DPP10: variants seen among roughly 807,000 people sequenced by gnomAD.
DPP10 encodes inactive dipeptidyl peptidase 10.
DPP10 carries 33 observed loss-of-function variants against 120.9 expected under a neutral mutation model. The ratio of observed to expected loss-of-function variants is 0.27; its 90% confidence interval spans 0.21 to 0.37. The LOEUF (loss-of-function observed/expected upper bound fraction) is 0.37, where lower values mean the gene tolerates loss of function less well. DPP10 is among the 10% of genes least tolerant of loss of function. The pLI, the probability that DPP10 is intolerant of heterozygous loss-of-function variation, is 1.00. For synonymous variants in DPP10, 337 were observed against 326.1 expected, an observed-to-expected ratio of 1.03 and a Z score of -0.36; for missense variants, 816 against 942.8, an observed-to-expected ratio of 0.87 and a Z score of 1.76.
intron 1 of DPP10, among the ~76,000 whole-genome samples, chr2:114,748,559 C>A (rs1446501712): frequency 2.2e-5 from 2 of 89,564 alleles, no homozygotes; most frequent in African/African-American, 9.0e-5. Flanking sequence ...CCCCCTCCCC[C>A]GACCCCACCA....
intron 1 of DPP10, among the ~76,000 whole-genome samples, chr2:114,889,295 A>T (rs548658554): frequency 6.6e-6 from 1 of 152,308 alleles, no homozygotes; most frequent in South Asian, 2.1e-4. Flanking sequence ...GATGTAGGAA[A>T]ATCTCTTTTA....
intron 3 of DPP10, among the ~76,000 whole-genome samples, chr2:115,414,603 C>T (rs1334999576): frequency 6.6e-6 from 1 of 152,160 alleles, no homozygotes; most frequent in East Asian, 1.9e-4. Context: ...AAATAGCACT[C>T]ATTTTTGAAA....
chr2:114,864,609 A>G (rs773041312), intron 1 of DPP10, among the ~76,000 whole-genome samples: 1 of 152,176 alleles, frequency 6.6e-6, no homozygotes, highest in Non-Finnish European at 1.5e-5. Flanking sequence ...AAGAGTCAGG[A>G]AGCATAAAGC....
intron 1 of DPP10, among the ~76,000 whole-genome samples, chr2:115,104,238 T>C (rs944611448): frequency 6.9e-5 from 10 of 144,208 alleles, no homozygotes; most frequent in Admixed American, 6.6e-4. Context: ...TGGAGTACTG[T>C]GGCATGACCA....
intron 1 of DPP10, among the ~76,000 whole-genome samples, chr2:114,972,890 G>T (rs945733261): frequency 6.6e-6 from 1 of 152,186 alleles, no homozygotes; most frequent in African/African-American, 2.4e-5. Context: ...TTGGAAGGAC[G>T]AAGGGGTCAA....
chr2:114,561,297 T>C (rs1688744469), intron 1 of DPP10, among the ~76,000 whole-genome samples: 1 of 152,330 alleles, frequency 6.6e-6, no homozygotes, highest in Middle Eastern at 3.4e-3. Context: ...CTTTGTTTTT[T>C]GTTTAAGGAG....
At chr2:114,943,200 T>G (rs1206641289) in intron 1 of DPP10, among the ~76,000 whole-genome samples, 1 of 152,210 alleles carries the variant, frequency 6.6e-6, no homozygotes, top group Non-Finnish European at 1.5e-5. Context: ...GTTTCCAGCT[T>G]CATCCATGTC....
chr2:115,730,860 G>A (rs941940409), intron 8 of DPP10, among the ~76,000 whole-genome samples: 4 of 152,146 alleles, frequency 2.6e-5, no homozygotes, highest in Non-Finnish European at 2.9e-5. Context: ...CTATGTTGCC[G>A]TTAACTAGGA....
intron 13 of DPP10, among the ~76,000 whole-genome samples, chr2:115,770,121 A>G (rs1041717856): frequency 6.6e-6 from 1 of 152,066 alleles, no homozygotes; most frequent in African/African-American, 2.4e-5. Flanking sequence ...GATCTTACCC[A>G]TTCTATCTAC....
intron 7 of DPP10, among the ~76,000 whole-genome samples, chr2:115,712,168 G>A (rs1386786099): frequency 6.6e-6 from 1 of 151,036 alleles, no homozygotes; most frequent in Non-Finnish European, 1.5e-5. Context: ...GGAGCCCTGA[G>A]CTTGTTTTCC....
intron 1 of DPP10, among the ~76,000 whole-genome samples, chr2:115,059,836 C>CT (rs142748719): frequency 0.15 from 22,218 of 151,950 alleles, 1,735 homozygotes; most frequent in African/African-American, 0.21. Flanking sequence ...CCTTACTGAT[C>CT]TTTTTTGTTT....
chr2:115,526,535 C>T (rs2078145183), intron 5 of DPP10: 1 of 152,116 alleles, frequency 6.6e-6, no homozygotes, highest in Admixed American at 6.6e-5. Flanking sequence ...TCCATGTGAG[C>T]CCTAAAGCAC....
At chr2:114,525,241 G>A (rs1187506765) in intron 1 of DPP10, among the ~76,000 whole-genome samples, 1 of 152,158 alleles carries the variant, frequency 6.6e-6, no homozygotes, top group Non-Finnish European at 1.5e-5. Flanking sequence ...AAATGTATTT[G>A]GCAAAGAAGG....
intron 10 of DPP10, among the ~76,000 whole-genome samples, chr2:115,747,750 C>T (rs184448055): frequency 2.6e-5 from 4 of 152,068 alleles, no homozygotes; most frequent in South Asian, 2.1e-4. Flanking sequence ...CCTGCCACCA[C>T]GCCCAGCTAA....
At chr2:114,847,255 A>G (rs1181005507) in intron 1 of DPP10, among the ~76,000 whole-genome samples, 1 of 151,808 alleles carries the variant, frequency 6.6e-6, no homozygotes, top group East Asian at 1.9e-4. Flanking sequence ...ACAATTTCAC[A>G]CCTGTTTCGT....
intron 1 of DPP10, among the ~76,000 whole-genome samples, chr2:114,945,238 G>T (rs1697259447): frequency 6.6e-6 from 1 of 152,134 alleles, no homozygotes; most frequent in Non-Finnish European, 1.5e-5. Flanking sequence ...TTGATACGTT[G>T]CATTTTATTA....
chr2:115,784,767 G>A (rs1374464789), intron 17 of DPP10, among the ~76,000 whole-genome samples: 1 of 152,080 alleles, frequency 6.6e-6, no homozygotes, highest in African/African-American at 2.4e-5. Flanking sequence ...CACAACCTCA[G>A]GTGATCTGCC....
chr2:114,535,489 A>G (rs1266121197), intron 1 of DPP10, among the ~76,000 whole-genome samples: 1 of 152,210 alleles, frequency 6.6e-6, no homozygotes, highest in Non-Finnish European at 1.5e-5. Flanking sequence ...TTCTCTAAAC[A>G]TATTAATCCC....
chr2:115,511,736 T>C (rs1455816288), intron 4 of DPP10, among the ~76,000 whole-genome samples: 4 of 148,654 alleles, frequency 2.7e-5, no homozygotes, highest in African/African-American at 9.9e-5. Flanking sequence ...TTCTTCTTTT[T>C]TTTTTTTTTG....
Sources: gnomAD v4.1 joint callset for allele counts (sites outside exome capture counted in the v4.1 genomes callset) on GRCh38, gnomAD v4.1.1 for gene constraint, MANE v1.5 for transcripts, NCBI Gene and HGNC (gene_info 2026-07-23, HGNC 2026-07-21) for gene names.